The following PCMTD1 variants were observed in gnomAD, a reference collection of about 807,000 sequenced individuals.
The protein encoded by PCMTD1 is protein-L-isoaspartate (D-aspartate) O-methyltransferase domain containing 1, also known as protein-L-isoaspartate O-methyltransferase domain-containing protein 1.
PCMTD1 carries 12 observed loss-of-function variants against 37.6 expected under a neutral mutation model. That is an observed-to-expected ratio of 0.32 (90% confidence interval 0.20 to 0.52). The LOEUF is 0.52. PCMTD1 is among the 20% of genes least tolerant of loss of function. PCMTD1 has a pLI of 0.97. For missense variants in PCMTD1, 235 were observed against 421.3 expected (o/e 0.56, Z 3.87); for synonymous variants, 117 against 135.8 (o/e 0.86, Z 0.96).
intron 2 of PCMTD1, among the ~76,000 whole-genome samples, chr8:51,851,032 G>C (rs1395339475): frequency 6.6e-6 from 1 of 152,182 alleles, no homozygotes; most frequent in Admixed American, 6.5e-5. Context: ...AGACAACTAA[G>C]AGAAGCTGTT....
At chr8:51,888,214 G>A (rs2129294417) in intron 1 of PCMTD1, among the ~76,000 whole-genome samples, 1 of 152,270 alleles carries the variant, frequency 6.6e-6, no homozygotes, top group South Asian at 2.1e-4. Context: ...CAGTTCAATA[G>A]AGTAAGACCC....
At chr8:51,853,591 T>A (rs1387544075) in intron 2 of PCMTD1, among the ~76,000 whole-genome samples, 2 of 152,148 alleles carry the variant, frequency 1.3e-5, no homozygotes. Context: ...GAACTATTGC[T>A]CCTTAGGAAG....
intron 3 of PCMTD1, among the ~76,000 whole-genome samples, chr8:51,835,307 G>A (rs1343595359): frequency 1.3e-5 from 2 of 152,162 alleles, no homozygotes; most frequent in African/African-American, 4.8e-5. Context: ...GCTTTGCAAT[G>A]AAATCTTACT....
chr8:51,870,893 G>T (rs1002491018), intron 1 of PCMTD1, among the ~76,000 whole-genome samples: 2 of 152,144 alleles, frequency 1.3e-5, no homozygotes, highest in Non-Finnish European at 2.9e-5. Context: ...GCCGGGGTGA[G>T]CATCTGATGT....
intron 2 of PCMTD1, among the ~76,000 whole-genome samples, chr8:51,848,402 G>T (rs1328893205): frequency 6.6e-6 from 1 of 151,936 alleles, no homozygotes. Context: ...CAATACTGCT[G>T]GCACTCCATG....
At chr8:51,858,384 A>C (rs2038422425) in intron 2 of PCMTD1, among the ~76,000 whole-genome samples, 1 of 152,202 alleles carries the variant, frequency 6.6e-6, no homozygotes, top group African/African-American at 2.4e-5. Flanking sequence ...ATAGTGTTAT[A>C]GTTTTTTGTT....
At chr8:51,832,580 C>T (rs375617032) in intron 4 of PCMTD1, among the ~76,000 whole-genome samples, 7 of 152,224 alleles carry the variant, frequency 4.6e-5, no homozygotes, top group African/African-American at 1.7e-4. Context: ...TTTCAGTTAA[C>T]GTGAATATTG....
intron 2 of PCMTD1, among the ~76,000 whole-genome samples, chr8:51,852,844 G>C (rs2038327936): frequency 6.6e-6 from 1 of 152,202 alleles, no homozygotes; most frequent in South Asian, 2.1e-4. Context: ...AGAGGAGAAA[G>C]AAGAGAATTT....
At chr8:51,851,792 A>C (rs1031448638) in intron 2 of PCMTD1, among the ~76,000 whole-genome samples, 3 of 151,942 alleles carry the variant, frequency 2.0e-5, no homozygotes, top group African/African-American at 7.3e-5. Flanking sequence ...AGTAGCTTAC[A>C]GGCATGAGCC....
chr8:51,871,014 A>G (rs2038632073), intron 1 of PCMTD1, among the ~76,000 whole-genome samples: 1 of 152,154 alleles, frequency 6.6e-6, no homozygotes, highest in African/African-American at 2.4e-5. Flanking sequence ...TAAATAGTAC[A>G]CTGAATATAA....
intron 1 of PCMTD1, among the ~76,000 whole-genome samples, chr8:51,868,622 G>A (rs2038594007): frequency 6.6e-6 from 1 of 151,912 alleles, no homozygotes; most frequent in Admixed American, 6.6e-5. Context: ...AATTTCCTAA[G>A]GAATAAAAAT....
Position 51,819,637 on chromosome 8 carries a change from C to T in PCMTD1, c.*714G>A, listed in dbSNP as rs1011414402. 4 of 152,404 alleles carry T rather than the reference C, an allele frequency of 2.6e-5. No individual in the cohort carries two copies. The highest frequency in any genetic ancestry group is 5.9e-5 in the Non-Finnish European group (4 of 68,008). 9.4% of individuals were successfully genotyped at this position (152,404 alleles called of 1,614,324 possible). A position where few individuals can be genotyped will look rare whatever the true frequency, so the allele number is the denominator to read the frequency against. On this transcript the variant is annotated 3_prime_UTR_variant, in exon 6 of 6. Transcript: ENST00000522514. The stretch of plus-strand genomic sequence containing the variant: ...TTAAATACTGAAAATGTAAAGGGTC[C>T]ATATAAAGAGTTGTATTAAGTATAG...
At chr8:51,860,298 CTT>C (rs1209318216) in intron 2 of PCMTD1, among the ~76,000 whole-genome samples, 1 of 152,230 alleles carries the variant, frequency 6.6e-6, no homozygotes, top group Non-Finnish European at 1.5e-5. Flanking sequence ...GGGCAGAAAT[CTT>C]AGTCCCTTTT....
chr8:51,894,661 G>C (rs758227610), intron 1 of PCMTD1, among the ~76,000 whole-genome samples: 18 of 152,068 alleles, frequency 1.2e-4, no homozygotes, highest in Non-Finnish European at 2.2e-4. Flanking sequence ...ACTACATTTA[G>C]GACAATTAAT....
In PCMTD1 at chr8:51,865,973, T is replaced by C. The variant is rs531899728; in HGVS notation, c.-95-4727A>G. Reference sequence around the variant, plus strand: ...TAAACAAATCAGTAAAGTTGCAGGGTACAAAATCAACACATAAAAGTCAGT... The same window carrying C: ...TAAACAAATCAGTAAAGTTGCAGGGCACAAAATCAACACATAAAAGTCAGT... On this transcript the variant is annotated intron_variant, in intron 1 of 5. Coordinates refer to ENST00000522514, the MANE Select transcript of PCMTD1 (RefSeq NM_052937.4). Among the ~76,000 whole-genome samples, 40 of 151,550 alleles carry C rather than the reference T, an allele frequency of 2.6e-4. 1 individual carries two copies. Among genetic ancestry groups the C allele is most frequent in the African/African-American group, 9.0e-4 (37 of 41,292 alleles).
intron 1 of PCMTD1, among the ~76,000 whole-genome samples, chr8:51,888,853 C>A (rs114502359): frequency 6.6e-6 from 1 of 152,118 alleles, no homozygotes; most frequent in Non-Finnish European, 1.5e-5. Context: ...GGCTGAGGGT[C>A]ATTATGAGGA....
At chr8:51,899,138 A>G (rs1336187927), upstream of PCMTD1, 7 of 1,367,558 alleles carry the variant, frequency 5.1e-6, no homozygotes, top group Non-Finnish European at 4.7e-6. Flanking sequence ...GCACAGGGGC[A>G]GCTCCCCGCG....
chr8:51,849,975 GCTAA>G (rs2038281061), intron 2 of PCMTD1: 2 of 677,530 alleles, frequency 3.0e-6, no homozygotes. Flanking sequence ...TTTGTGTAAA[GCTAA>G]CTTACAGAAC....
At chr8:51,868,908 G>T (rs903599858) in intron 1 of PCMTD1, among the ~76,000 whole-genome samples, 3 of 152,000 alleles carry the variant, frequency 2.0e-5, no homozygotes, top group Non-Finnish European at 2.9e-5. Context: ...AACTTTTAAG[G>T]AACTATATAC....
Sources: allele counts gnomAD v4.1 joint callset (sites outside exome capture counted in the v4.1 genomes callset), GRCh38; gene constraint gnomAD v4.1.1; transcripts MANE v1.5; gene names NCBI Gene and HGNC (gene_info 2026-07-23, HGNC 2026-07-21).